Variants in SCAPER observed in about 807,000 individuals in gnomAD.
SCAPER encodes S phase cyclin A-associated protein in the endoplasmic reticulum.
SCAPER carries 98 observed loss-of-function variants against 182.2 expected under a neutral mutation model. The observed-to-expected ratio is 0.54, with a 90% confidence interval of 0.46 to 0.64. The LOEUF (loss-of-function observed/expected upper bound fraction) is 0.64, where lower values mean the gene tolerates loss of function less well. Among genes scored for constraint, SCAPER ranks in the 30% least tolerant of loss-of-function variants. The pLI is 0.00. For synonymous variants in SCAPER, 605 were observed against 564.6 expected, an observed-to-expected ratio of 1.07 and a Z score of -1.01; for missense variants, 1,432 against 1,690.0, an observed-to-expected ratio of 0.85 and a Z score of 2.68.
intron 20 of SCAPER, among the ~76,000 whole-genome samples, chr15:76,699,912 C>A (rs776123293): frequency 2.0e-5 from 3 of 152,150 alleles, no homozygotes; most frequent in Non-Finnish European, 4.4e-5. Flanking sequence ...GCACCGGTGC[C>A]AGTAGCAGCA....
At chr15:76,893,846 A>C (rs2074285955) in intron 1 of SCAPER, among the ~76,000 whole-genome samples, 1 of 152,240 alleles carries the variant, frequency 6.6e-6, no homozygotes, top group Non-Finnish European at 1.5e-5. Context: ...TCAAAAGGGA[A>C]ATCAAAAAGT....
chr15:76,519,843 A>T (rs1332556622), intron 23 of SCAPER, among the ~76,000 whole-genome samples: 2 of 152,196 alleles, frequency 1.3e-5, no homozygotes, highest in Non-Finnish European at 2.9e-5. Context: ...TTTATGAAAC[A>T]AATGTTAGTT....
At chr15:76,479,747 T>C (rs1468367473) in intron 24 of SCAPER, among the ~76,000 whole-genome samples, 1 of 152,220 alleles carries the variant, frequency 6.6e-6, no homozygotes, top group Non-Finnish European at 1.5e-5. Context: ...TTTATATTCT[T>C]GTGCAGTTTG....
intron 29 of SCAPER, among the ~76,000 whole-genome samples, chr15:76,370,926 G>T (rs8040818): frequency 1.3e-5 from 2 of 152,194 alleles, no homozygotes; most frequent in Non-Finnish European, 2.9e-5. Flanking sequence ...GGCAGTTTCT[G>T]AAATGTACTG....
chr15:76,451,058 C>A lies in SCAPER; in HGVS notation c.3079-16748G>T, dbSNP rs138097642. Reference sequence around the variant, plus strand: ...CCTGTGGGCATAGGCAATCACTGATCTGCTTTGTATTATAAATGACTTTGC... The same window carrying A: ...CCTGTGGGCATAGGCAATCACTGATATGCTTTGTATTATAAATGACTTTGC... On this transcript the variant is annotated intron_variant, in intron 25 of 31. Transcript: ENST00000563290. 2.4e-3 allele frequency among the ~76,000 whole-genome samples: 369 copies of A among 152,348 alleles called. 6 individuals are homozygous for A. Among genetic ancestry groups the A allele is most frequent in the East Asian group, 0.019 (96 of 5,188 alleles).
intron 27 of SCAPER, among the ~76,000 whole-genome samples, chr15:76,391,509 A>C (rs2043695090): frequency 6.6e-6 from 1 of 152,212 alleles, no homozygotes; most frequent in South Asian, 2.1e-4. Context: ...GAAGGAAGAA[A>C]GGGAGAACTG....
chr15:76,440,917 TG>T (rs1306268792), intron 25 of SCAPER, among the ~76,000 whole-genome samples: 13,980 of 49,936 alleles, frequency 0.28, 2,099 homozygotes, highest in South Asian at 0.43. Flanking sequence ...GTTTTTTTTT[TG>T]TTTTTTTTTT....
intron 5 of SCAPER, among the ~76,000 whole-genome samples, chr15:76,835,273 AAAAG>A (rs1703661237): frequency 6.6e-6 from 1 of 152,096 alleles, no homozygotes; most frequent in South Asian, 2.1e-4. Context: ...GATTTAAAAA[AAAAG>A]AAAGAAAAAC....
At chr15:76,799,275 T>A (rs982114793) in intron 7 of SCAPER, among the ~76,000 whole-genome samples, 2 of 148,330 alleles carry the variant, frequency 1.3e-5, no homozygotes, top group African/African-American at 4.9e-5. Context: ...AGCTAAACTA[T>A]AATCTCCTGG....
chr15:76,889,262 G>C (rs2074031072), intron 1 of SCAPER, among the ~76,000 whole-genome samples: 1 of 152,172 alleles, frequency 6.6e-6, no homozygotes, highest in Non-Finnish European at 1.5e-5. Flanking sequence ...TGAAGGAACT[G>C]CATCAATTAA....
At chr15:76,446,572 C>T (rs2048014916) in intron 25 of SCAPER, among the ~76,000 whole-genome samples, 1 of 152,160 alleles carries the variant, frequency 6.6e-6, no homozygotes, top group Non-Finnish European at 1.5e-5. Context: ...ACTGAAATTT[C>T]CTTTAATCTC....
chr15:76,455,866 T>A (rs2048694144), intron 25 of SCAPER, among the ~76,000 whole-genome samples: 1 of 152,040 alleles, frequency 6.6e-6, no homozygotes, highest in Non-Finnish European at 1.5e-5. Context: ...GATGTTCCCC[T>A]CCCTGTGTCC....
chr15:76,414,400 C>T (rs748670411), intron 26 of SCAPER, among the ~76,000 whole-genome samples: 1 of 151,880 alleles, frequency 6.6e-6, no homozygotes, highest in Non-Finnish European at 1.5e-5. Flanking sequence ...GAGAACTACA[C>T]TGAAGCTGAT....
At chr15:76,555,724 C>T (rs542751209) in intron 23 of SCAPER, among the ~76,000 whole-genome samples, 42 of 152,240 alleles carry the variant, frequency 2.8e-4, no homozygotes, top group Admixed American at 2.3e-3. Flanking sequence ...CACAGGAGCA[C>T]CCAGATTCAT....
chr15:76,860,064 T>C (rs937757498), intron 3 of SCAPER, among the ~76,000 whole-genome samples: 3 of 152,192 alleles, frequency 2.0e-5, no homozygotes, highest in Non-Finnish European at 1.5e-5. Context: ...AGCTTTAAAA[T>C]TGTACTGGCC....
Position 76,404,685 on chromosome 15 carries a change from T to C in SCAPER, c.3312-6A>G, listed in dbSNP as rs1237610825. On this transcript the variant is annotated splice_region_variant and splice_polypyrimidine_tract_variant and intron_variant, in intron 26 of 31. Coordinates refer to ENST00000563290, the MANE Select transcript of SCAPER (RefSeq NM_020843.4). Reference sequence around the variant, plus strand: ...GACCCATGTTCACCACGTAGCTAGATATGGGGGAGAAATGCATGTTATCAA... The same window carrying C: ...GACCCATGTTCACCACGTAGCTAGACATGGGGGAGAAATGCATGTTATCAA... The C allele has an allele frequency of 6.2e-7, 1 of 1,607,900 alleles. No homozygotes were observed. The highest frequency in any genetic ancestry group is 8.5e-7 in the Non-Finnish European group (1 of 1,177,250).
At chr15:76,444,999 T>C (rs1261528308) in intron 25 of SCAPER, among the ~76,000 whole-genome samples, 1 of 152,248 alleles carries the variant, frequency 6.6e-6, no homozygotes, top group African/African-American at 2.4e-5. Flanking sequence ...TTTATTTCAA[T>C]AGCTTTAGGG....
At chr15:76,754,028 T>G in intron 14 of SCAPER, 80 bp from the exon 15 acceptor site, 1 of 1,453,744 alleles carries the variant, frequency 6.9e-7, no homozygotes, top group Non-Finnish European at 9.4e-7. Context: ...AAATGGCTTA[T>G]GAAATATAAA....
At chr15:76,901,505 G>A (rs575548237) in intron 1 of SCAPER, among the ~76,000 whole-genome samples, 1 of 152,072 alleles carries the variant, frequency 6.6e-6, no homozygotes, top group Admixed American at 6.5e-5. Flanking sequence ...TAGTGAGGAG[G>A]TAACTTTTAT....
Sources: gnomAD v4.1 joint callset for allele counts (sites outside exome capture counted in the v4.1 genomes callset) on GRCh38, gnomAD v4.1.1 for gene constraint, MANE v1.5 for transcripts, NCBI Gene and HGNC (gene_info 2026-07-23, HGNC 2026-07-21) for gene names.